The following MPP7 variants were observed in gnomAD, a reference collection of about 807,000 sequenced individuals.
MPP7 encodes MAGUK p55 subfamily member 7.
A neutral mutation model predicts 76.5 loss-of-function variants in MPP7; 60 were observed. The ratio of observed to expected loss-of-function variants is 0.78; its 90% CI spans 0.64 to 0.97. The LOEUF is 0.97. MPP7 is among the 50% of genes least tolerant of loss of function. MPP7 has a pLI of 0.00. For missense variants in MPP7, 641 were observed against 694.0 expected (o/e 0.92, Z 0.86); for synonymous variants, 237 against 244.5 (o/e 0.97, Z 0.29).
chr10:28,209,316 T>C (rs887237797), intron 2 of MPP7, among the ~76,000 whole-genome samples: 5 of 152,024 alleles, frequency 3.3e-5, no homozygotes, highest in African/African-American at 9.7e-5. Context: ...AAAAATTTTA[T>C]GTTAGCTGAG....
chr10:28,291,588 C>A (rs111245916), intron 1 of MPP7, among the ~76,000 whole-genome samples: 1,613 of 151,778 alleles, frequency 0.011, 21 homozygotes, highest in African/African-American at 0.037. Flanking sequence ...GCCTGGGCGA[C>A]AGAGACAGAG....
At chr10:28,218,582 C>A (rs1457478563) in intron 2 of MPP7, among the ~76,000 whole-genome samples, 1 of 152,062 alleles carries the variant, frequency 6.6e-6, no homozygotes, top group Non-Finnish European at 1.5e-5. Context: ...CACTATAAGA[C>A]CTAATAGGAG....
At chr10:28,200,660 A>G (rs1409235561) in intron 3 of MPP7, among the ~76,000 whole-genome samples, 1 of 152,172 alleles carries the variant, frequency 6.6e-6, no homozygotes, top group East Asian at 1.9e-4. Context: ...TTTTTCCTCA[A>G]TACTTAATAA....
intron 12 of MPP7, among the ~76,000 whole-genome samples, chr10:28,076,547 A>G (rs1852491265): frequency 6.6e-6 from 1 of 152,032 alleles, no homozygotes; most frequent in Non-Finnish European, 1.5e-5. Context: ...GCGCGCACAC[A>G]CACACACACA....
chr10:28,093,956 C>T (rs1319827790), intron 11 of MPP7, among the ~76,000 whole-genome samples: 1 of 152,154 alleles, frequency 6.6e-6, no homozygotes, highest in Non-Finnish European at 1.5e-5. Flanking sequence ...GCAACAAAAA[C>T]CCTACTATTA....
intron 13 of MPP7, among the ~76,000 whole-genome samples, chr10:28,063,192 G>T (rs935549458): frequency 1.3e-5 from 2 of 152,110 alleles, no homozygotes; most frequent in Admixed American, 1.3e-4. Context: ...CAGGCACAGT[G>T]CCTCATACCT....
intron 3 of MPP7, among the ~76,000 whole-genome samples, chr10:28,170,440 G>C (rs1836642322): frequency 6.6e-6 from 1 of 151,838 alleles, no homozygotes; most frequent in Non-Finnish European, 1.5e-5. Flanking sequence ...AAAGTGCTAA[G>C]ATTACAGGGG....
intron 3 of MPP7, among the ~76,000 whole-genome samples, chr10:28,158,148 G>C (rs1564665283): frequency 6.6e-6 from 1 of 152,100 alleles, no homozygotes; most frequent in Non-Finnish European, 1.5e-5. Flanking sequence ...TAAATGCAAT[G>C]ATTTTCTTCT....
intron 12 of MPP7, among the ~76,000 whole-genome samples, chr10:28,085,001 C>G (rs772700563): frequency 1.3e-5 from 2 of 152,188 alleles, no homozygotes; most frequent in Non-Finnish European, 2.9e-5. Flanking sequence ...TGAACATAAA[C>G]GCTTTCACTA....
chr10:28,238,500 C>G, intron 2 of MPP7, 68 bp downstream of exon 2: 3 of 1,499,754 alleles, frequency 2.0e-6, no homozygotes, highest in Non-Finnish European at 2.8e-6. Context: ...TTAAAGCATG[C>G]TGTATTTCAC....
At chr10:28,326,524 A>C (rs1834417406) in intron 2 of MPP7, among the ~76,000 whole-genome samples, 1 of 152,202 alleles carries the variant, frequency 6.6e-6, no homozygotes, top group Non-Finnish European at 1.5e-5. Context: ...TAAAAAGAAA[A>C]AGACAAACAA....
At chr10:28,287,741 A>AT (rs1564759146) in intron 1 of MPP7, among the ~76,000 whole-genome samples, 3 of 152,288 alleles carry the variant, frequency 2.0e-5, no homozygotes, top group Middle Eastern at 6.8e-3. Flanking sequence ...AACAAATGTA[A>AT]TTTTTTTCTA....
intron 1 of MPP7, among the ~76,000 whole-genome samples, chr10:28,263,766 C>T (rs1455949240): frequency 2.0e-5 from 3 of 152,132 alleles, no homozygotes; most frequent in Non-Finnish European, 4.4e-5. Flanking sequence ...CCAGGTGAAA[C>T]ATCCGACACA....
chr10:28,097,727 T>G (rs368585124), intron 11 of MPP7, among the ~76,000 whole-genome samples: 1 of 152,198 alleles, frequency 6.6e-6, no homozygotes, highest in African/African-American at 2.4e-5. Context: ...AATTTTTTCC[T>G]GATAGAAGAC....
intron 3 of MPP7, among the ~76,000 whole-genome samples, chr10:28,155,658 T>C (rs1030373582): frequency 1.5e-4 from 23 of 151,662 alleles, no homozygotes; most frequent in Non-Finnish European, 2.5e-4. Flanking sequence ...TTGGGCCAAT[T>C]TGTGCTTCAC....
intron 11 of MPP7, among the ~76,000 whole-genome samples, chr10:28,092,740 A>ATTTTTT (rs536385197): frequency 0.015 from 1,544 of 105,442 alleles, 117 homozygotes; most frequent in East Asian, 0.095. Context: ...ACCTGGCTCA[A>ATTTTTT]TTTTTTTTTT....
chr10:28,330,822 T>C (rs934573827), intron 1 of MPP7, among the ~76,000 whole-genome samples: 4 of 152,072 alleles, frequency 2.6e-5, no homozygotes, highest in Non-Finnish European at 4.4e-5. Flanking sequence ...GCCTGGTTAA[T>C]TTTTTAGAAT....
intron 13 of MPP7, among the ~76,000 whole-genome samples, chr10:28,061,294 A>C (rs1288359341): frequency 1.3e-5 from 2 of 152,112 alleles, no homozygotes; most frequent in African/African-American, 2.4e-5. Context: ...TTGAAAAGGT[A>C]AGAGAAAATA....
intron 5 of MPP7, 34 bp downstream of exon 5, chr10:28,147,449 G>A: frequency 6.4e-7 from 1 of 1,553,888 alleles, no homozygotes; most frequent in Non-Finnish European, 8.9e-7. Context: ...GGCCCTGTTT[G>A]AAGGTATTTA....
Sources: allele counts gnomAD v4.1 joint callset (sites outside exome capture counted in the v4.1 genomes callset), GRCh38; gene constraint gnomAD v4.1.1; transcripts MANE v1.5; gene names NCBI Gene and HGNC (gene_info 2026-07-23, HGNC 2026-07-21).